CMPK1: variants seen among roughly 807,000 people sequenced by gnomAD.
CMPK1 encodes cytidine/uridine monophosphate kinase 1, also known as UMP-CMP kinase.
A neutral mutation model predicts 25.7 loss-of-function variants in CMPK1; 10 were observed. That is an observed-to-expected ratio of 0.39 (90% confidence interval 0.24 to 0.66). CMPK1 has a LOEUF of 0.66. Among genes scored for constraint, CMPK1 ranks in the 30% least tolerant of loss-of-function variants. CMPK1 has a pLI of 0.48. For synonymous variants in CMPK1, 106 were observed against 101.5 expected (o/e 1.04, Z -0.27); for missense variants, 199 against 280.5 (o/e 0.71, Z 2.08).
intron 3 of CMPK1, among the ~76,000 whole-genome samples, chr1:47,373,963 A>T (rs1178242689): frequency 6.6e-6 from 1 of 152,276 alleles, no homozygotes; most frequent in Non-Finnish European, 1.5e-5. Flanking sequence ...TTAATTAAAA[A>T]GCCTGAAGTA....
chr1:47,350,636 C>T (rs984662680), intron 1 of CMPK1, among the ~76,000 whole-genome samples: 2 of 151,928 alleles, frequency 1.3e-5, no homozygotes, highest in Non-Finnish European at 2.9e-5. Context: ...GGCTTATGCC[C>T]GTAATCCCAG....
intron 4 of CMPK1, 37 bp from the exon 5 acceptor site, chr1:47,375,160 G>T (rs746444235): frequency 1.3e-6 from 2 of 1,486,284 alleles, no homozygotes; most frequent in Non-Finnish European, 1.9e-6. Context: ...AGAAAGGATA[G>T]ATACCTAGAA....
At chr1:47,362,007 A>G (rs1646606421) in intron 1 of CMPK1, among the ~76,000 whole-genome samples, 2 of 150,600 alleles carry the variant, frequency 1.3e-5, no homozygotes, top group Non-Finnish European at 2.9e-5. Flanking sequence ...AATACCTGGG[A>G]TTACAGGCAT....
At chr1:47,335,636 CAAA>C (rs34856862) in intron 1 of CMPK1, among the ~76,000 whole-genome samples, 393 of 75,264 alleles carry the variant, frequency 5.2e-3, no homozygotes, top group African/African-American at 0.017. Context: ...AACTCCGTCT[CAAA>C]AAAAAAAAAA....
At chr1:47,335,651 A>G (rs1029617001) in intron 1 of CMPK1, among the ~76,000 whole-genome samples, 1 of 152,024 alleles carries the variant, frequency 6.6e-6, no homozygotes, top group Non-Finnish European at 1.5e-5. Context: ...AAAAAAAAAA[A>G]AAAAAAATCA....
At chr1:47,371,554 C>T (rs1009532865) in intron 2 of CMPK1, among the ~76,000 whole-genome samples, 1 of 152,154 alleles carries the variant, frequency 6.6e-6, no homozygotes, top group Non-Finnish European at 1.5e-5. Context: ...GACAGCGTCT[C>T]TTTTTCTTCT....
chr1:47,359,993 C>G (rs146561472), intron 1 of CMPK1, among the ~76,000 whole-genome samples: 1 of 152,276 alleles, frequency 6.6e-6, no homozygotes, highest in East Asian at 1.9e-4. Flanking sequence ...TGTAGTGATA[C>G]ATGAGAGACT....
chr1:47,365,681 T>C (rs1646635357), intron 1 of CMPK1, among the ~76,000 whole-genome samples: 1 of 150,906 alleles, frequency 6.6e-6, no homozygotes, highest in African/African-American at 2.4e-5. Context: ...TGGTTTGATA[T>C]TTGACCCCAT....
chr1:47,374,848 G>T, intron 3 of CMPK1, 61 bp from the exon 4 acceptor site: 1 of 1,263,416 alleles, frequency 7.9e-7, no homozygotes, highest in East Asian at 2.5e-5. Flanking sequence ...TGTTTTCTTT[G>T]CAGGTTAAAA....
rs1457794181 is a variant in CMPK1 at position 47,376,794 on chromosome 1, T to C, written c.*49T>C. On this transcript the variant is annotated 3_prime_UTR_variant, in exon 6 of 6. Transcript: ENST00000371873. ...AAATCATGCTTGAATATTGCTTTGATAGCTGCTATCATGACCCCTTTTTAA... is the reference window on the plus strand; with the variant it reads ...AAATCATGCTTGAATATTGCTTTGACAGCTGCTATCATGACCCCTTTTTAA... 8.1e-6 allele frequency: 9 copies of C among 1,113,836 alleles called. No homozygotes were observed. Among genetic ancestry groups the C allele is most frequent in the Non-Finnish European group, 1.2e-5 (9 of 734,444 alleles). 69.0% of individuals were successfully genotyped at this position (1,113,836 alleles called of 1,614,324 possible).
chr1:47,373,002 G>A lies in CMPK1; in HGVS notation c.366G>A (p.Leu122=). 1 of 1,613,464 alleles carries A rather than the reference G, an allele frequency of 6.2e-7. No homozygotes were observed. Residue 122 remains leucine (L), a synonymous_variant, in exon 3 of 6, where the codon TTG becomes TTA. Transcript: ENST00000371873. ...MAANAQKNKF[L]IDGFPRNQDN... is the part of the protein sequence containing the mutation. Reference sequence around the variant, plus strand: ...CCAATGCTCAGAAGAATAAATTCTTGATTGATGGGTTTCCAAGAAATCAAG... The same window carrying A: ...CCAATGCTCAGAAGAATAAATTCTTAATTGATGGGTTTCCAAGAAATCAAG...
In CMPK1 at chr1:47,345,496, C is replaced by T. The variant is rs1321119349; in HGVS notation, c.171+11380C>T. 9.1e-3 allele frequency among the ~76,000 whole-genome samples: 1,298 copies of T among 142,746 alleles called. 22 individuals are homozygous for T. The highest frequency in any genetic ancestry group is 0.013 in the Non-Finnish European group (828 of 65,086). 93.6% of individuals were successfully genotyped at this position (142,746 alleles called of 152,430 possible). On this transcript the variant is annotated intron_variant, in intron 1 of 5. Transcript: ENST00000371873. ...GAGAAAAAAAGTAGCAATTTAATTTCTTTTTTTTTTTTTTTGAGACAGAGT... is the reference window on the plus strand; with the variant it reads ...GAGAAAAAAAGTAGCAATTTAATTTTTTTTTTTTTTTTTTTGAGACAGAGT...
chr1:47,336,830 T>TA (rs2149323255), intron 1 of CMPK1, among the ~76,000 whole-genome samples: 1 of 152,392 alleles, frequency 6.6e-6, no homozygotes, highest in African/African-American at 2.4e-5. Context: ...CTGGCCTGGT[T>TA]ATTTTTATTG....
chr1:47,336,138 G>GAAAGAAATAAAT (rs112451386), intron 1 of CMPK1, among the ~76,000 whole-genome samples: 1 of 150,394 alleles, frequency 6.6e-6, no homozygotes, highest in South Asian at 2.1e-4. Flanking sequence ...CTCCGTCTCA[G>GAAAGAAATAAAT]AAATAAATAA....
chr1:47,357,177 A>T (rs1646566652), intron 1 of CMPK1, among the ~76,000 whole-genome samples: 1 of 151,490 alleles, frequency 6.6e-6, no homozygotes, highest in Non-Finnish European at 1.5e-5. Context: ...GTTAGCCAGG[A>T]TGGTCTCGAT....
intron 1 of CMPK1, among the ~76,000 whole-genome samples, chr1:47,351,165 C>T (rs965077649): frequency 7.9e-5 from 12 of 152,048 alleles, no homozygotes; most frequent in African/African-American, 2.9e-4. Flanking sequence ...CTCACTGCAA[C>T]CTCCGCCTCC....
chr1:47,344,403 C>T (rs1646467596), intron 1 of CMPK1, among the ~76,000 whole-genome samples: 2 of 152,056 alleles, frequency 1.3e-5, no homozygotes, highest in African/African-American at 2.4e-5. Flanking sequence ...GGTAAACCGA[C>T]ATACGTGAGG....
intron 1 of CMPK1, among the ~76,000 whole-genome samples, chr1:47,346,150 A>G (rs530485651): frequency 2.0e-5 from 3 of 151,764 alleles, no homozygotes; most frequent in South Asian, 4.2e-4. Context: ...CCCGGGTTCA[A>G]GAGATTCTCC....
At chr1:47,373,930 C>A (rs749329632) in intron 3 of CMPK1, among the ~76,000 whole-genome samples, 2 of 152,148 alleles carry the variant, frequency 1.3e-5, no homozygotes, top group Non-Finnish European at 2.9e-5. Flanking sequence ...TTTTGAATAA[C>A]TAAATACATT....
Sources: allele counts gnomAD v4.1 joint callset (sites outside exome capture counted in the v4.1 genomes callset), GRCh38; gene constraint gnomAD v4.1.1; transcripts MANE v1.5; gene names NCBI Gene and HGNC (gene_info 2026-07-23, HGNC 2026-07-21).